The following USP7 variants were observed in gnomAD, a reference collection of about 807,000 sequenced individuals.
The protein encoded by USP7 is ubiquitin C-terminal hydrolase 7.
A neutral mutation model predicts 162.9 loss-of-function variants in USP7; 9 were observed. The ratio of observed to expected loss-of-function variants is 0.06; its 90% CI spans 0.03 to 0.10. The LOEUF (loss-of-function observed/expected upper bound fraction) is 0.10. USP7 is among the 10% of genes least tolerant of loss of function. The pLI is 1.00. For synonymous variants in USP7, 562 were observed against 475.9 expected (o/e 1.18, Z -2.35); for missense variants, 715 against 1,373.7 (o/e 0.52, Z 7.58).
chr16:8,918,845 ACT>A (rs1897521845), intron 6 of USP7, among the ~76,000 whole-genome samples, 184 bp downstream of exon 6: 1 of 152,296 alleles, frequency 6.6e-6, no homozygotes, highest in East Asian at 1.9e-4. Context: ...ACTCTGAATC[ACT>A]GAGGCAGGTT....
At chr16:8,897,818 GA>G (rs2061712862) in intron 25 of USP7, among the ~76,000 whole-genome samples, 1 of 148,150 alleles carries the variant, frequency 6.7e-6, no homozygotes, top group African/African-American at 2.5e-5. Flanking sequence ...AGGATCACTT[GA>G]GCCCAGGAGG....
At chr16:8,915,152 T>C in intron 10 of USP7, 102 bp downstream of exon 10, 2 of 1,096,858 alleles carry the variant, frequency 1.8e-6, no homozygotes, top group South Asian at 1.6e-5. Context: ...AGCCATTCTC[T>C]GTGTTTAGAC....
intron 13 of USP7, 122 bp from the exon 14 acceptor site, chr16:8,905,453 C>T: frequency 8.1e-7 from 1 of 1,231,756 alleles, no homozygotes; most frequent in Non-Finnish European, 1.2e-6. Context: ...AAAAAATATC[C>T]ATGTGTGTTC....
chr16:8,895,975 T>G (rs1052023964), intron 26 of USP7, among the ~76,000 whole-genome samples: 6 of 151,934 alleles, frequency 3.9e-5, no homozygotes, highest in African/African-American at 1.5e-4. Flanking sequence ...TAGTTGGGAC[T>G]ACAGGTGCGT....
Position 8,894,658 on chromosome 16 carries a change from A to T in USP7, c.3112-18T>A. On this transcript the variant is annotated intron_variant, in intron 29 of 30. Transcript: ENST00000344836. ...AATTTAAACTAAAAGAAAAAAAATT[A>T]AAACTCCTCCGTTATTTCTGTATAT... is the stretch of plus-strand genomic sequence containing the variant. The T allele has an allele frequency of 6.2e-7, 1 of 1,612,174 alleles. No individual in the cohort carries two copies. The highest frequency in any genetic ancestry group is 8.5e-7 in the Non-Finnish European group (1 of 1,178,834).
At position 8,919,106 on chromosome 16, in the gene USP7, G is replaced by A; in HGVS notation, c.645C>T (p.Gly215=). 6.2e-7 allele frequency: 1 copy of A among 1,614,092 alleles called. No individual in the cohort carries two copies. Among genetic ancestry groups the A allele is most frequent in the South Asian group, 1.1e-5 (1 of 91,080 alleles). ...WDSKKHTGYV[G]LKNQGATCYM... The stretch of plus-strand genomic sequence containing the variant: ...AACAAGTCGCTCCCTGATTCTTTAA[G>A]CCGACGTAGCCTGTGTGCTTCTTTG... Residue 215 remains glycine, a synonymous_variant, in exon 6 of 31, where the codon GGC becomes GGT. Transcript: ENST00000344836.
chr16:8,942,957 A>G (rs934477330), intron 1 of USP7, among the ~76,000 whole-genome samples: 3 of 152,174 alleles, frequency 2.0e-5, no homozygotes, highest in African/African-American at 4.8e-5. Flanking sequence ...GGTTGCCTTC[A>G]GTTCTGTACC....
At chr16:8,952,760 C>G (rs1366631602) in intron 1 of USP7, among the ~76,000 whole-genome samples, 1 of 152,180 alleles carries the variant, frequency 6.6e-6, no homozygotes, top group Non-Finnish European at 1.5e-5. Flanking sequence ...ACCACAGACC[C>G]TAAACCTCTA....
chr16:8,936,714 TTC>T, intron 1 of USP7: 11 of 1,418,072 alleles, frequency 7.8e-6, no homozygotes, highest in Non-Finnish European at 1.0e-5. Flanking sequence ...TACCTCAGCA[TTC>T]TTTTTTATTT....
At chr16:8,916,986 A>T in intron 7 of USP7, 40 bp downstream of exon 7, 1 of 1,510,300 alleles carries the variant, frequency 6.6e-7, no homozygotes, top group Non-Finnish European at 8.8e-7. Flanking sequence ...AAAAAAAAAA[A>T]GAGGAAGCAG....
At chr16:8,940,033 G>A (rs1349347377) in intron 1 of USP7, among the ~76,000 whole-genome samples, 1 of 152,134 alleles carries the variant, frequency 6.6e-6, no homozygotes, top group African/African-American at 2.4e-5. Flanking sequence ...GGGAGGCGAA[G>A]GTTGTAGTGA....
intron 1 of USP7, among the ~76,000 whole-genome samples, chr16:8,938,823 CTG>C (rs900476149): frequency 1.3e-5 from 2 of 152,074 alleles, no homozygotes; most frequent in African/African-American, 4.8e-5. Context: ...AGCATTTACA[CTG>C]TATTAGATAT....
intron 2 of USP7, among the ~76,000 whole-genome samples, chr16:8,926,670 G>C (rs1033691296): frequency 1.3e-5 from 2 of 152,162 alleles, no homozygotes; most frequent in Non-Finnish European, 2.9e-5. Context: ...CAACTTCCAA[G>C]TATGCTAGGT....
intron 16 of USP7, among the ~76,000 whole-genome samples, chr16:8,902,820 G>C (rs933881499): frequency 1.3e-5 from 2 of 152,112 alleles, no homozygotes; most frequent in African/African-American, 2.4e-5. Context: ...ACCAAAAGGC[G>C]GAGGTTGCAG....
chr16:8,919,494 G>A (rs1024189210), intron 5 of USP7, among the ~76,000 whole-genome samples: 66 of 152,066 alleles, frequency 4.3e-4, no homozygotes, highest in African/African-American at 1.6e-3. Flanking sequence ...CGCAAGGTCA[G>A]CACAACGTGG....
intron 2 of USP7, among the ~76,000 whole-genome samples, chr16:8,928,366 A>G (rs969230279): frequency 1.3e-5 from 2 of 152,208 alleles, no homozygotes; most frequent in African/African-American, 4.8e-5. Context: ...TGAAGTCCAG[A>G]GTCTTAGGGA....
intron 1 of USP7, 136 bp downstream of exon 1, chr16:8,963,071 G>A (rs1288272279): frequency 1.1e-5 from 8 of 739,766 alleles, no homozygotes; most frequent in African/African-American, 7.7e-5. Context: ...GGCCGGGGCC[G>A]GGAGGCCAGG....
chr16:8,920,023 T>C (rs1897602086), intron 5 of USP7, among the ~76,000 whole-genome samples: 1 of 152,180 alleles, frequency 6.6e-6, no homozygotes, highest in Admixed American at 6.5e-5. Flanking sequence ...CTCCCTGCCC[T>C]CATCAAAGTA....
In USP7 at chr16:8,906,693, A is replaced by G. The variant is rs531514908; in HGVS notation, c.1272-111T>C. 2.0e-5 allele frequency: 23 copies of G among 1,137,332 alleles called. No homozygotes were observed. In the East Asian group the frequency reaches 2.8e-4, roughly 14 times the overall value. The allele number at this position is 1,137,332 out of a possible 1,614,324, so 70.5% of individuals were successfully genotyped here. ...CTGGCTCATCTTTAATAGGATAAGC[A>G]TGAATTGCCTTGGGAAGGCCTATGA... On this transcript the variant is annotated intron_variant, in intron 12 of 30. Coordinates refer to ENST00000344836, the MANE Select transcript of USP7 (RefSeq NM_003470.3).
Sources: gnomAD v4.1 joint callset for allele counts (sites outside exome capture counted in the v4.1 genomes callset) on GRCh38, gnomAD v4.1.1 for gene constraint, MANE v1.5 for transcripts, NCBI Gene and HGNC (gene_info 2026-07-23, HGNC 2026-07-21) for gene names.